The following COMMD1 variants were observed in gnomAD, a reference collection of about 807,000 sequenced individuals.
The protein encoded by COMMD1 is copper metabolism domain containing 1.
COMMD1 carries 10 observed loss-of-function variants against 17.2 expected under a neutral mutation model. That is an observed-to-expected ratio of 0.58 (90% confidence interval 0.36 to 0.99). The LOEUF (loss-of-function observed/expected upper bound fraction) is 0.99, where lower values mean the gene tolerates loss of function less well. Ranked by LOEUF, COMMD1 falls within the 50% of genes least tolerant of loss-of-function variation. The pLI, the probability that COMMD1 is intolerant of heterozygous loss-of-function variation, is 0.01. For synonymous variants in COMMD1, 97 were observed against 91.6 expected, an observed-to-expected ratio of 1.06 and a Z score of -0.34; for missense variants, 270 against 231.8, an observed-to-expected ratio of 1.17 and a Z score of -1.07.
At chr2:62,101,772 A>G (rs1283857872) in intron 2 of COMMD1, among the ~76,000 whole-genome samples, 2 of 152,180 alleles carry the variant, frequency 1.3e-5, no homozygotes, top group Non-Finnish European at 2.9e-5. Flanking sequence ...AGGAACTCCA[A>G]AAGCTTCCAT....
At position 62,012,413 on chromosome 2, in the gene COMMD1, G is replaced by T. The variant is rs1358168828; in HGVS notation, c.462+11431G>T. Among the ~76,000 whole-genome samples the T allele has an allele frequency of 1.3e-4, 19 of 150,358 alleles. No homozygotes were observed. The Admixed American group carries it at 1.3e-3, about 10-fold the overall frequency. On this transcript the variant is annotated intron_variant, in intron 2 of 2. Coordinates refer to ENST00000311832, the MANE Select transcript of COMMD1 (RefSeq NM_152516.4). ...CTCTCACCGCAATCTCTGCCTCCCAGGTTCAAGCAATTCCCCTGCCTCAGC... is the reference window on the plus strand; with the variant it reads ...CTCTCACCGCAATCTCTGCCTCCCATGTTCAAGCAATTCCCCTGCCTCAGC...
chr2:62,109,406 C>G (rs1052171607), intron 2 of COMMD1, among the ~76,000 whole-genome samples: 1 of 152,168 alleles, frequency 6.6e-6, no homozygotes, highest in African/African-American at 2.4e-5. Context: ...TGTAGCTACG[C>G]CCATCTCTTC....
chr2:61,954,766 C>T (rs1465062190), intron 1 of COMMD1, among the ~76,000 whole-genome samples: 4 of 152,142 alleles, frequency 2.6e-5, no homozygotes, highest in African/African-American at 9.7e-5. Context: ...ATTGCAGCCT[C>T]CACCTTCCAG....
intron 1 of COMMD1, among the ~76,000 whole-genome samples, chr2:61,954,965 A>T (rs1300401326): frequency 6.6e-6 from 1 of 152,144 alleles, no homozygotes; most frequent in East Asian, 1.9e-4. Context: ...GTGAGCCACC[A>T]TGCCCAGCCT....
intron 2 of COMMD1, among the ~76,000 whole-genome samples, chr2:62,048,256 C>G (rs1056604941): frequency 6.7e-6 from 1 of 148,828 alleles, no homozygotes; most frequent in African/African-American, 2.5e-5. Flanking sequence ...GATCTCGGCT[C>G]ACTGCAACCT....
In COMMD1 at chr2:61,898,273, G is replaced by A. The variant is rs114669037; in HGVS notation, n.119+9431G>A. Among the ~76,000 whole-genome samples the A allele has an allele frequency of 5.1e-3, 772 of 152,218 alleles. 12 individuals are homozygous for A. The highest frequency in any genetic ancestry group is 0.018 in the African/African-American group (746 of 41,540). On this transcript the variant is annotated intron_variant and non_coding_transcript_variant, in intron 1 of 2. Coordinates refer to the COMMD1 transcript ENST00000472729. Reference sequence around the variant, plus strand: ...GGAGGATCACTTGACCTCAGGAGGTGGAGACCAGACTGGGCAACATGGTGG... The same window carrying A: ...GGAGGATCACTTGACCTCAGGAGGTAGAGACCAGACTGGGCAACATGGTGG...
At chr2:61,963,667 G>A (rs151067208) in intron 1 of COMMD1, among the ~76,000 whole-genome samples, 41 of 152,266 alleles carry the variant, frequency 2.7e-4, no homozygotes, top group Non-Finnish European at 4.9e-4. Context: ...AGAAGTGAAG[G>A]TGGCTTGGGA....
At chr2:62,115,156 T>G (rs1184233095) in intron 2 of COMMD1, among the ~76,000 whole-genome samples, 2 of 152,212 alleles carry the variant, frequency 1.3e-5, no homozygotes, top group Admixed American at 6.5e-5. Flanking sequence ...AACGACTATT[T>G]TGCAGATTAG....
At chr2:61,989,967 C>G (rs554563100) in intron 1 of COMMD1, among the ~76,000 whole-genome samples, 1 of 152,098 alleles carries the variant, frequency 6.6e-6, no homozygotes, top group African/African-American at 2.4e-5. Flanking sequence ...TAGAAAGACC[C>G]CCGTCCCAGA....
chr2:62,133,918 A>G (rs910468679), intron 2 of COMMD1, among the ~76,000 whole-genome samples: 22 of 152,148 alleles, frequency 1.4e-4, no homozygotes, highest in African/African-American at 5.3e-4. Context: ...CAGCCTTCCA[A>G]GTAGCTAGGA....
intron 1 of COMMD1, among the ~76,000 whole-genome samples, chr2:61,954,687 C>CTT (rs1273362051): frequency 2.7e-5 from 4 of 145,946 alleles, no homozygotes; most frequent in South Asian, 2.2e-4. Context: ...CTCTCTCTCT[C>CTT]TTTTTTTTTT....
At chr2:62,127,746 G>A (rs1036276154) in intron 2 of COMMD1, among the ~76,000 whole-genome samples, 10 of 152,166 alleles carry the variant, frequency 6.6e-5, no homozygotes, top group East Asian at 5.8e-4. Flanking sequence ...CCAGGGGGCC[G>A]GGCGTAGTGG....
At chr2:61,928,430 G>A (rs551045935) in intron 1 of COMMD1, among the ~76,000 whole-genome samples, 4 of 152,004 alleles carry the variant, frequency 2.6e-5, no homozygotes, top group Non-Finnish European at 5.9e-5. Context: ...TAAAGTGCTG[G>A]GATTACAGGT....
intron 1 of COMMD1, among the ~76,000 whole-genome samples, chr2:61,945,458 T>C (rs1670880676): frequency 6.6e-6 from 1 of 152,174 alleles, no homozygotes; most frequent in Non-Finnish European, 1.5e-5. Flanking sequence ...AGAGTAAAGA[T>C]AGATCAAGCT....
At chr2:61,907,583 C>G (rs1669804615) in intron 1 of COMMD1, among the ~76,000 whole-genome samples, 1 of 152,078 alleles carries the variant, frequency 6.6e-6, no homozygotes, top group Non-Finnish European at 1.5e-5. Context: ...AATCTCCAAA[C>G]ATTGGGGGCT....
rs181824236 is a variant in COMMD1 at position 62,117,240 on chromosome 2, A to G, written c.463-18591A>G. Among the ~76,000 whole-genome samples, 5 of 152,250 alleles carry G rather than the reference A, an allele frequency of 3.3e-5. No individual in the cohort carries two copies. In the East Asian group the frequency reaches 5.8e-4, roughly 18 times the overall value. ...AGCCGGGCTGCTGCCCCATCACACT[A>G]CTACATTCATGCTAGAAATCTACCA... On this transcript the variant is annotated intron_variant, in intron 2 of 2. Transcript: ENST00000311832.
chr2:62,078,907 C>T (rs972522891), intron 2 of COMMD1, among the ~76,000 whole-genome samples: 15 of 151,058 alleles, frequency 9.9e-5, no homozygotes, highest in Middle Eastern at 3.4e-3. Context: ...ATTGTGGTGA[C>T]CAAAGTTTTT....
intron 2 of COMMD1, among the ~76,000 whole-genome samples, chr2:62,041,085 T>A (rs1408460369): frequency 6.6e-6 from 1 of 152,212 alleles, no homozygotes; most frequent in Admixed American, 6.5e-5. Context: ...GAGGATCTTA[T>A]CAGTCCATGC....
At chr2:61,891,038 G>A (rs1669417921) in intron 1 of COMMD1, among the ~76,000 whole-genome samples, 1 of 152,160 alleles carries the variant, frequency 6.6e-6, no homozygotes, top group African/African-American at 2.4e-5. Context: ...CTGGATTTGA[G>A]TTTATTAATA....
Sources: allele counts gnomAD v4.1 joint callset (sites outside exome capture counted in the v4.1 genomes callset), GRCh38; gene constraint gnomAD v4.1.1; transcripts MANE v1.5; gene names NCBI Gene and HGNC (gene_info 2026-07-23, HGNC 2026-07-21).